CMBL: variants seen among roughly 807,000 people sequenced by gnomAD.
CMBL encodes carboxymethylenebutenolidase homolog (Pseudomonas).
A neutral mutation model predicts 28.7 loss-of-function variants in CMBL; 17 were observed. The ratio of observed to expected loss-of-function variants is 0.59; its 90% CI spans 0.41 to 0.89. The LOEUF (loss-of-function observed/expected upper bound fraction) is 0.89. CMBL is among the 40% of genes least tolerant of loss of function. CMBL has a pLI of 0.00. For synonymous variants in CMBL, 106 were observed against 101.6 expected, an observed-to-expected ratio of 1.04 and a Z score of -0.26; for missense variants, 310 against 298.5, an observed-to-expected ratio of 1.04 and a Z score of -0.28.
At position 10,278,580 on chromosome 5, in the gene CMBL, G is replaced by A. The variant is rs945971470; in HGVS notation, c.*1873C>T. Among the ~76,000 whole-genome samples the A allele has an allele frequency of 6.6e-6, 1 of 151,942 alleles. No homozygotes were observed. The highest frequency in any genetic ancestry group is 2.4e-5 in the African/African-American group (1 of 41,356). On this transcript the variant is annotated 3_prime_UTR_variant, in exon 6 of 6. Coordinates refer to ENST00000296658, the MANE Select transcript of CMBL (RefSeq NM_138809.4). The stretch of plus-strand genomic sequence containing the variant: ...TGGCTCATAGCTCCCTCTCTCTCTC[G>A]TTCTCCACCTTCTGGTTGAGCCCAT...
rs1057100428 is a variant in CMBL, at chr5:10,278,063, C to T, written c.*2390G>A. On this transcript the variant is annotated 3_prime_UTR_variant, in exon 6 of 6. Transcript: ENST00000296658. Reference sequence around the variant, plus strand: ...GGCTTTGGCCTGTTGGGGTCCACAACTAAGTGTCCACAGTAGACCAGCCCT... The same window carrying T: ...GGCTTTGGCCTGTTGGGGTCCACAATTAAGTGTCCACAGTAGACCAGCCCT... Among the ~76,000 whole-genome samples, 1 of 152,200 alleles carries T rather than the reference C, an allele frequency of 6.6e-6. No individual in the cohort carries two copies. Among genetic ancestry groups the T allele is most frequent in the Non-Finnish European group, 1.5e-5 (1 of 68,024 alleles).
chr5:10,295,187 G>C (rs918971635), intron 1 of CMBL, among the ~76,000 whole-genome samples: 2 of 151,980 alleles, frequency 1.3e-5, no homozygotes, highest in Admixed American at 1.3e-4. Context: ...GGGTTCAAGC[G>C]ATTCTCCTGC....
chr5:10,291,156 G>A (rs964947554), intron 1 of CMBL, among the ~76,000 whole-genome samples: 2 of 152,092 alleles, frequency 1.3e-5, no homozygotes, highest in South Asian at 2.1e-4. Flanking sequence ...CCTAACAGTC[G>A]GGTGCTTAGG....
At chr5:10,293,197 G>A (rs1264784404) in intron 1 of CMBL, among the ~76,000 whole-genome samples, 1 of 152,190 alleles carries the variant, frequency 6.6e-6, no homozygotes, top group Non-Finnish European at 1.5e-5. Flanking sequence ...ATATCAAGAA[G>A]TTAGAAGAAA....
chr5:10,282,069 A>C, intron 5 of CMBL, 128 bp downstream of exon 5: 1 of 635,810 alleles, frequency 1.6e-6, no homozygotes, highest in Non-Finnish European at 2.8e-6. Context: ...CTGAGGCACA[A>C]GAATGGCTTG....
At chr5:10,287,832 TCCC>T (rs1030910213) in intron 3 of CMBL, among the ~76,000 whole-genome samples, 7 of 151,862 alleles carry the variant, frequency 4.6e-5, no homozygotes, top group Admixed American at 4.6e-4. Context: ...TGCCTCAGCC[TCCC>T]AAGTAGCTGG....
At chr5:10,290,302 AGCAAGTCTAAAG>A (rs1746684630) in intron 2 of CMBL, 1 of 513,510 alleles carries the variant, frequency 1.9e-6, no homozygotes. Flanking sequence ...CTCAATGTCC[AGCAAGTCTAAAG>A]GCCAGGTACT....
rs1220564689 is a variant in CMBL, at chr5:10,289,238, G to GTACA, written c.216-713_216-710dup. 2.0e-5 allele frequency among the ~76,000 whole-genome samples: 3 copies of GTACA among 152,166 alleles called. No individual in the cohort carries two copies. The highest frequency in any genetic ancestry group is 4.4e-5 in the Non-Finnish European group (3 of 68,030). On this transcript the variant is annotated intron_variant, in intron 2 of 5. Coordinates refer to ENST00000296658, the MANE Select transcript of CMBL (RefSeq NM_138809.4). The surrounding 1 kb of genome is among the most constrained non-coding windows in gnomAD (Gnocchi z 4.3). Reference sequence around the variant, plus strand: ...TGAGAAAATCCAAGTTCGAGGCTCGGTACACCCCATGCTGCTGTGTGGCCT... The same window carrying GTACA: ...TGAGAAAATCCAAGTTCGAGGCTCGGTACATACACCCCATGCTGCTGTGTGGCCT...
rs1746479084 is a variant in CMBL at position 10,280,462 on chromosome 5, C to T, written c.729G>A (p.Lys243=). ...ARRNLIEWLN[K]YM is the part of the protein sequence containing the mutation. ...TTGCCCTTGATTCTTGCTACATGTACTTGTTCAGCCACTCAATTAAATTCC... is the reference window on the plus strand; with the variant it reads ...TTGCCCTTGATTCTTGCTACATGTATTTGTTCAGCCACTCAATTAAATTCC... The change falls in exon 6 of 6, where the codon AAG becomes AAA. Residue 243 remains lysine (K), a synonymous_variant. Coordinates refer to ENST00000296658, the MANE Select transcript of CMBL (RefSeq NM_138809.4). The T allele has an allele frequency of 6.3e-7, 1 of 1,597,106 alleles. No homozygotes were observed.
chr5:10,285,795 C>G (rs761628486), intron 4 of CMBL, among the ~76,000 whole-genome samples: 3 of 149,496 alleles, frequency 2.0e-5, no homozygotes, highest in Non-Finnish European at 4.4e-5. Flanking sequence ...CCTTCTTGGG[C>G]TCAAGCGATT....
chr5:10,284,121 C>T (rs1746552710), intron 4 of CMBL, among the ~76,000 whole-genome samples: 1 of 152,196 alleles, frequency 6.6e-6, no homozygotes, highest in Non-Finnish European at 1.5e-5. Context: ...CTTTTGATAT[C>T]CCTGGGCCTG....
chr5:10,282,327 C>T, intron 4 of CMBL, 39 bp from the exon 5 acceptor site: 3 of 1,161,548 alleles, frequency 2.6e-6, no homozygotes, highest in East Asian at 4.6e-5. Context: ...CTGATCCCCA[C>T]ACTCATGCCA....
At position 10,279,355 on chromosome 5, in the gene CMBL, A is replaced by G. The variant is rs1297161503; in HGVS notation, c.*1098T>C. ...CTGTTTTGATCTCAATACTTCCCATATTGCAATATATAAATGTGACAAATT... is the reference window on the plus strand; with the variant it reads ...CTGTTTTGATCTCAATACTTCCCATGTTGCAATATATAAATGTGACAAATT... On this transcript the variant is annotated 3_prime_UTR_variant, in exon 6 of 6. Transcript: ENST00000296658. 1 of 152,224 alleles carries G rather than the reference A, an allele frequency of 6.6e-6. No individual in the cohort carries two copies. The highest frequency in any genetic ancestry group is 1.5e-5 in the Non-Finnish European group (1 of 68,034). 9.4% of individuals were successfully genotyped at this position (152,224 alleles called of 1,614,324 possible).
In CMBL at chr5:10,296,963, T is replaced by C. The variant is rs189336331; in HGVS notation, c.-19-6182A>G. 5.1e-4 allele frequency among the ~76,000 whole-genome samples: 78 copies of C among 151,850 alleles called. No homozygotes were observed. The East Asian group carries it at 0.013, about 26-fold the overall frequency. The stretch of plus-strand genomic sequence containing the variant: ...ACTTTAAGAGGCCAAAGTGGGTGGG[T>C]TGCTTGAGGCCTGGAGTTCAAAACC... On this transcript the variant is annotated intron_variant, in intron 1 of 5. Coordinates refer to ENST00000296658, the MANE Select transcript of CMBL (RefSeq NM_138809.4).
intron 3 of CMBL, among the ~76,000 whole-genome samples, chr5:10,287,051 A>T (rs916231689): frequency 6.6e-6 from 1 of 152,162 alleles, no homozygotes; most frequent in African/African-American, 2.4e-5. Context: ...CAAATTTGGA[A>T]CGCCATCAGG....
chr5:10,291,420 T>A (rs1579473727), intron 1 of CMBL, among the ~76,000 whole-genome samples: 3 of 151,942 alleles, frequency 2.0e-5, no homozygotes, highest in African/African-American at 7.3e-5. Flanking sequence ...CCCAGCACTT[T>A]GGGAGGCCGA....
intron 1 of CMBL, among the ~76,000 whole-genome samples, chr5:10,298,737 A>G: frequency 6.6e-6 from 1 of 152,192 alleles, no homozygotes; most frequent in East Asian, 1.9e-4. Flanking sequence ...TACTAAAAAT[A>G]CAAAAATTAG....
chr5:10,282,303 C>T lies in CMBL; in HGVS notation c.467-15G>A, dbSNP rs1357834134. 4.7e-6 allele frequency: 7 copies of T among 1,487,364 alleles called. No homozygotes were observed. Among genetic ancestry groups the T allele is most frequent in the South Asian group, 1.1e-5 (1 of 89,138 alleles). 92.1% of individuals were successfully genotyped at this position (1,487,364 alleles called of 1,614,324 possible). On this transcript the variant is annotated splice_polypyrimidine_tract_variant and intron_variant, in intron 4 of 5. Coordinates refer to ENST00000296658, the MANE Select transcript of CMBL (RefSeq NM_138809.4). ...CTTGACAATGCCTGAAAAACAAGCA[C>T]AGAGGCATGATGTCTGATCCCCACA...
chr5:10,284,907 T>C (rs1207390324), intron 4 of CMBL, among the ~76,000 whole-genome samples: 1 of 152,258 alleles, frequency 6.6e-6, no homozygotes, highest in African/African-American at 2.4e-5. Flanking sequence ...TGTTATTTCA[T>C]TGCTGTAGTA....
Sources: allele counts gnomAD v4.1 joint callset (sites outside exome capture counted in the v4.1 genomes callset), GRCh38; gene constraint gnomAD v4.1.1; non-coding constraint Gnocchi (gnomAD v3.1); transcripts MANE v1.5; gene names NCBI Gene and HGNC (gene_info 2026-07-23, HGNC 2026-07-21).